NKAIN2: variants seen among roughly 807,000 people sequenced by gnomAD.
NKAIN2 encodes the protein sodium/potassium transporting ATPase interacting 2.
NKAIN2 carries 14 observed loss-of-function variants against 32.6 expected under a neutral mutation model. The observed-to-expected ratio is 0.43, with a 90% CI of 0.28 to 0.67. NKAIN2 has a LOEUF of 0.67. Ranked by LOEUF, NKAIN2 falls within the 30% of genes least tolerant of loss-of-function variation. NKAIN2 has a pLI of 0.17. For synonymous variants in NKAIN2, 80 were observed against 87.2 expected, an observed-to-expected ratio of 0.92 and a Z score of 0.46; for missense variants, 198 against 258.3, an observed-to-expected ratio of 0.77 and a Z score of 1.60.
chr6:124,402,556 A>ACATAT (rs1255686043), intron 3 of NKAIN2, among the ~76,000 whole-genome samples: 2 of 152,212 alleles, frequency 1.3e-5, no homozygotes, highest in African/African-American at 4.8e-5. Context: ...TTTAGTCTCA[A>ACATAT]CATATTCTTA....
chr6:124,315,669 G>A (rs1796919298), intron 2 of NKAIN2, among the ~76,000 whole-genome samples: 1 of 152,044 alleles, frequency 6.6e-6, no homozygotes, highest in African/African-American at 2.4e-5. Flanking sequence ...ACACTGCACT[G>A]GCACTTTGTT....
At chr6:124,687,994 T>C (rs1243802926) in intron 4 of NKAIN2, among the ~76,000 whole-genome samples, 1 of 152,044 alleles carries the variant, frequency 6.6e-6, no homozygotes, top group Admixed American at 6.6e-5. Context: ...CCAGCTATTA[T>C]GCTTTTGAAA....
At chr6:124,529,779 T>G (rs1427165394) in intron 3 of NKAIN2, among the ~76,000 whole-genome samples, 4 of 152,318 alleles carry the variant, frequency 2.6e-5, no homozygotes, top group African/African-American at 9.6e-5. Flanking sequence ...TTTCTTACTT[T>G]TACTACTCAT....
At chr6:123,826,821 G>T (rs1416581504) in intron 1 of NKAIN2, among the ~76,000 whole-genome samples, 1 of 152,088 alleles carries the variant, frequency 6.6e-6, no homozygotes, top group Non-Finnish European at 1.5e-5. Context: ...ACAAGTATCT[G>T]TTCAAGTTCC....
At chr6:123,851,006 C>T (rs904562724) in intron 1 of NKAIN2, among the ~76,000 whole-genome samples, 1 of 151,874 alleles carries the variant, frequency 6.6e-6, no homozygotes, top group Admixed American at 6.6e-5. Flanking sequence ...ATATTTTTTT[C>T]GTAAATAATA....
At chr6:124,540,178 C>T (rs9320997) in intron 3 of NKAIN2, among the ~76,000 whole-genome samples, 1 of 152,074 alleles carries the variant, frequency 6.6e-6, no homozygotes, top group African/African-American at 2.4e-5. Flanking sequence ...TATAAAGAAA[C>T]CAATTTAAGT....
chr6:124,196,925 T>C (rs963676940), intron 1 of NKAIN2, among the ~76,000 whole-genome samples: 3 of 151,906 alleles, frequency 2.0e-5, no homozygotes, highest in Admixed American at 6.6e-5. Context: ...TCATGAGATA[T>C]AGACATGCAC....
At chr6:124,030,643 G>A (rs1781364883) in intron 1 of NKAIN2, among the ~76,000 whole-genome samples, 2 of 152,192 alleles carry the variant, frequency 1.3e-5, no homozygotes, top group South Asian at 2.1e-4. Context: ...TGGGATGCCA[G>A]TTAAGAAGTA....
chr6:124,267,481 T>TAAAA (rs71541244), intron 1 of NKAIN2, among the ~76,000 whole-genome samples: 1 of 97,730 alleles, frequency 1.0e-5, no homozygotes, highest in Non-Finnish European at 2.1e-5. Context: ...ACCATGTCTC[T>TAAAA]AAAAAAAAAA....
intron 3 of NKAIN2, among the ~76,000 whole-genome samples, chr6:124,563,149 C>CT (rs1780767288): frequency 6.6e-6 from 1 of 151,882 alleles, no homozygotes; most frequent in African/African-American, 2.4e-5. Flanking sequence ...TGTAATCTGC[C>CT]CCCCTTGGCC....
intron 1 of NKAIN2, among the ~76,000 whole-genome samples, chr6:123,877,949 G>A (rs912752648): frequency 3.9e-5 from 6 of 152,132 alleles, no homozygotes; most frequent in African/African-American, 9.6e-5. Flanking sequence ...AATTATCGCC[G>A]GGTGTGGTGG....
intron 4 of NKAIN2, among the ~76,000 whole-genome samples, chr6:124,665,549 G>T (rs908078182): frequency 3.3e-5 from 5 of 152,164 alleles, no homozygotes; most frequent in Non-Finnish European, 7.4e-5. Context: ...GTTGTTTAAA[G>T]GATTACCATG....
chr6:124,584,946 A>T (rs796930721), intron 3 of NKAIN2, among the ~76,000 whole-genome samples: 7 of 152,278 alleles, frequency 4.6e-5, no homozygotes, highest in African/African-American at 1.7e-4. Context: ...TAGCAATCCC[A>T]CTGCTATGTA....
chr6:124,503,372 T>G (rs1346994784), intron 3 of NKAIN2, among the ~76,000 whole-genome samples: 1 of 152,020 alleles, frequency 6.6e-6, no homozygotes, highest in African/African-American at 2.4e-5. Flanking sequence ...TTACAGTTTC[T>G]GTTTGGCACA....
At chr6:124,549,037 T>G (rs571679994) in intron 3 of NKAIN2, among the ~76,000 whole-genome samples, 9 of 151,520 alleles carry the variant, frequency 5.9e-5, no homozygotes, top group Admixed American at 3.3e-4. Context: ...TGAGAAACTT[T>G]GATGCATGGT....
chr6:124,339,032 C>A (rs557307396), intron 2 of NKAIN2, among the ~76,000 whole-genome samples: 1 of 152,222 alleles, frequency 6.6e-6, no homozygotes, highest in East Asian at 1.9e-4. Flanking sequence ...TTTAAAACTG[C>A]AGAAATTGGC....
chr6:124,016,066 A>G (rs1207724790), intron 1 of NKAIN2, among the ~76,000 whole-genome samples: 2 of 152,088 alleles, frequency 1.3e-5, no homozygotes, highest in African/African-American at 2.4e-5. Flanking sequence ...TCCAATTTTT[A>G]TACTATTTAA....
At chr6:124,701,153 G>GCGCGCA (rs1554253913) in intron 4 of NKAIN2, among the ~76,000 whole-genome samples, 14 of 132,112 alleles carry the variant, frequency 1.1e-4, no homozygotes, top group African/African-American at 3.8e-4. Context: ...ACACACACAC[G>GCGCGCA]CACACACACA....
chr6:123,839,959 C>T (rs1774800036), intron 1 of NKAIN2, among the ~76,000 whole-genome samples: 1 of 152,106 alleles, frequency 6.6e-6, no homozygotes, highest in Non-Finnish European at 1.5e-5. Flanking sequence ...AAAAAACTTT[C>T]CCTGCAGGTG....
Sources: gnomAD v4.1 joint callset for allele counts (sites outside exome capture counted in the v4.1 genomes callset) on GRCh38, gnomAD v4.1.1 for gene constraint, MANE v1.5 for transcripts, NCBI Gene and HGNC (gene_info 2026-07-23, HGNC 2026-07-21) for gene names.